Variants in GNG4 observed in about 807,000 individuals in gnomAD.
The protein encoded by GNG4 is guanine nucleotide-binding protein G(I)/G(S)/G(O) subunit gamma-4.
In GNG4, 4 loss-of-function variants were observed where a neutral mutation model predicts 5.8. The ratio of observed to expected loss-of-function variants is 0.69; its 90% CI spans 0.34 to 1.57. The LOEUF (loss-of-function observed/expected upper bound fraction) is 1.57. Ranked by LOEUF, GNG4 falls within the 40% of genes most tolerant of loss-of-function variation. GNG4 has a pLI of 0.06. For synonymous variants in GNG4, 29 were observed against 32.9 expected, an observed-to-expected ratio of 0.88 and a Z score of 0.41; for missense variants, 96 against 95.1, an observed-to-expected ratio of 1.01 and a Z score of -0.04.
intron 3 of GNG4, among the ~76,000 whole-genome samples, chr1:235,562,686 G>GAAAAAAAAAAAAAAAAAAAAAAAAAAA (rs1687099445): frequency 1.6e-5 from 2 of 125,998 alleles, no homozygotes; most frequent in Non-Finnish European, 3.5e-5. Flanking sequence ...AAAAAAAAAA[G>GAAAAAAAAAAAAAAAAAAAAAAAAAAA]AAGAAAATTT....
chr1:235,608,472 C>T (rs1457631574), intron 1 of GNG4, among the ~76,000 whole-genome samples: 1 of 152,170 alleles, frequency 6.6e-6, no homozygotes, highest in South Asian at 2.1e-4. Flanking sequence ...CACGTCCACA[C>T]CTTCAGAATA....
Position 235,600,100 on chromosome 1 carries a change from C to CTTTTTTTTTTTTTTT in GNG4, c.-122-4604_-122-4590dup, listed in dbSNP as rs533853180. Among the ~76,000 whole-genome samples the CTTTTTTTTTTTTTTT allele has an allele frequency of 1.9e-4, 8 of 43,138 alleles. 2 individuals carry two copies. Among genetic ancestry groups the CTTTTTTTTTTTTTTT allele is most frequent in the African/African-American group, 3.1e-4 (3 of 9,718 alleles). 28.3% of individuals were successfully genotyped at this position (43,138 alleles called of 152,430 possible). ...TCCTTTATCTGGTTGCGGAAGAAAG[C>CTTTTTTTTTTTTTTT]TTTTTTTTTTTTTTTTTTTTTTTTT... On this transcript the variant is annotated intron_variant, in intron 1 of 3. Coordinates refer to ENST00000391854, the MANE Select transcript of GNG4 (RefSeq NM_001098722.2).
upstream of GNG4, chr1:235,650,077 C>T (rs1431122603): frequency 6.6e-6 from 1 of 150,954 alleles, no homozygotes; most frequent in African/African-American, 2.4e-5. Flanking sequence ...TGCTGCGTCA[C>T]CGGGGCTCCC....
chr1:235,579,565 A>G (rs929829101), intron 3 of GNG4, among the ~76,000 whole-genome samples: 2 of 152,066 alleles, frequency 1.3e-5, no homozygotes, highest in African/African-American at 4.8e-5. Context: ...AAGGCTGAAC[A>G]TAAGGCCGGG....
In GNG4 at chr1:235,642,572, T is replaced by G. The variant is rs1657364061; in HGVS notation, c.-123+7090A>C. 6.7e-6 allele frequency among the ~76,000 whole-genome samples: 1 copy of G among 150,148 alleles called. No individual in the cohort carries two copies. On this transcript the variant is annotated intron_variant, in intron 1 of 3. Transcript: ENST00000391854. This position sits in a 1 kb window ranked among gnomAD's most constrained non-coding sequence, Gnocchi z 4.3. The stretch of plus-strand genomic sequence containing the variant: ...CCAGGAAGGCGAGGTGGTGGCGGGT[T>G]GGCTGTGGTTTTGCAGAGGCGGGCA...
At chr1:235,563,216 A>G (rs184620457) in intron 3 of GNG4, among the ~76,000 whole-genome samples, 161 of 152,054 alleles carry the variant, frequency 1.1e-3, no homozygotes, top group Non-Finnish European at 1.8e-3. Context: ...TAAGGTCAGG[A>G]GTTTGAGACC....
chr1:235,592,451 G>A (rs550753591), intron 2 of GNG4, among the ~76,000 whole-genome samples: 12 of 152,282 alleles, frequency 7.9e-5, no homozygotes, highest in African/African-American at 2.9e-4. Context: ...ACAGGTTGCA[G>A]TGAGCCAAGA....
At chr1:235,561,421 T>C (rs896338494) in intron 3 of GNG4, among the ~76,000 whole-genome samples, 1 of 149,572 alleles carries the variant, frequency 6.7e-6, no homozygotes, top group African/African-American at 2.5e-5. Context: ...TATATATACA[T>C]TTTTTTTTTC....
At chr1:235,641,042 G>A (rs1657311469) in intron 1 of GNG4, among the ~76,000 whole-genome samples, 1 of 152,208 alleles carries the variant, frequency 6.6e-6, no homozygotes. Context: ...TATGCTAGGG[G>A]TGAGAGGAGG....
chr1:235,622,578 G>A (rs757767366), intron 1 of GNG4, among the ~76,000 whole-genome samples: 3 of 151,910 alleles, frequency 2.0e-5, no homozygotes, highest in African/African-American at 7.3e-5. Flanking sequence ...GGCCAGGCAC[G>A]GTGGCTCACC....
chr1:235,608,907 C>T (rs1688419436), intron 1 of GNG4, among the ~76,000 whole-genome samples: 1 of 152,086 alleles, frequency 6.6e-6, no homozygotes, highest in African/African-American at 2.4e-5. Flanking sequence ...TGATCTGGAG[C>T]TCCTGAGCTG....
chr1:235,603,269 A>G (rs879792893), intron 1 of GNG4, among the ~76,000 whole-genome samples: 29 of 88,926 alleles, frequency 3.3e-4, no homozygotes, highest in Non-Finnish European at 6.1e-4. Flanking sequence ...AATTAATAAT[A>G]ATAATAATAA....
chr1:235,624,015 G>C (rs1375727777), intron 1 of GNG4, among the ~76,000 whole-genome samples: 1 of 152,158 alleles, frequency 6.6e-6, no homozygotes, highest in Non-Finnish European at 1.5e-5. Context: ...TGCCTGGCCA[G>C]AGTACAGGTG....
chr1:235,580,904 C>A (rs1483224589), intron 3 of GNG4, among the ~76,000 whole-genome samples: 1 of 152,046 alleles, frequency 6.6e-6, no homozygotes, highest in Non-Finnish European at 1.5e-5. Flanking sequence ...GCACACGTCA[C>A]CAGACCCAGC....
chr1:235,641,662 A>C (rs1405887770), intron 1 of GNG4, among the ~76,000 whole-genome samples: 1 of 152,088 alleles, frequency 6.6e-6, no homozygotes, highest in Non-Finnish European at 1.5e-5. Flanking sequence ...CTGCACTCCA[A>C]CTTGGGTGAC....
intron 1 of GNG4, among the ~76,000 whole-genome samples, chr1:235,643,769 T>C (rs1001241704): frequency 2.0e-5 from 3 of 152,204 alleles, no homozygotes; most frequent in African/African-American, 7.2e-5. Context: ...AGCCCTAGAA[T>C]GGCAAATCCA....
intron 3 of GNG4, among the ~76,000 whole-genome samples, chr1:235,571,958 T>C (rs1687354180): frequency 6.6e-6 from 1 of 152,130 alleles, no homozygotes; most frequent in Admixed American, 6.6e-5. Context: ...TGCCTCAGCC[T>C]CCCAAGTAGC....
At chr1:235,632,317 G>C (rs929370827) in intron 1 of GNG4, among the ~76,000 whole-genome samples, 4 of 151,738 alleles carry the variant, frequency 2.6e-5, no homozygotes, top group African/African-American at 9.7e-5. Flanking sequence ...CAACTCCTGG[G>C]CTCAAGCGAT....
At position 235,644,312 on chromosome 1, in the gene GNG4, A is replaced by T. The variant is rs1657439647; in HGVS notation, c.-123+5350T>A. Among the ~76,000 whole-genome samples, 2 of 152,094 alleles carry T rather than the reference A, an allele frequency of 1.3e-5. No individual in the cohort carries two copies. The highest frequency in any genetic ancestry group is 2.1e-4 in the South Asian group (1 of 4,812). ...CAGAGAGAATTCAGTGGCCGGCAAC[A>T]CTGCCAGTTCCCCTTTATTTCCCTT... On this transcript the variant is annotated intron_variant, in intron 1 of 3. Transcript: ENST00000391854. This position sits in a 1 kb window ranked among gnomAD's most constrained non-coding sequence, Gnocchi z 5.9.
Sources: allele counts gnomAD v4.1 joint callset (sites outside exome capture counted in the v4.1 genomes callset), GRCh38; gene constraint gnomAD v4.1.1; non-coding constraint Gnocchi (gnomAD v3.1); transcripts MANE v1.5; gene names NCBI Gene and HGNC (gene_info 2026-07-23, HGNC 2026-07-21).